Variants in RYR2 observed in about 807,000 individuals in gnomAD.
RYR2 encodes ryanodine receptor 2, also known as cardiac muscle ryanodine receptor-calcium release channel.
In RYR2, 227 loss-of-function variants were observed where a neutral mutation model predicts 601.1. The ratio of observed to expected loss-of-function variants is 0.38; its 90% CI spans 0.34 to 0.42. RYR2 has a LOEUF of 0.42. Ranked by LOEUF, RYR2 falls within the 10% of genes least tolerant of loss-of-function variation. RYR2 has a pLI of 1.00. For synonymous variants in RYR2, 2,223 were observed against 2,175.1 expected, an observed-to-expected ratio of 1.02 and a Z score of -0.61; for missense variants, 4,646 against 6,156.5, an observed-to-expected ratio of 0.75 and a Z score of 8.21.
intron 43 of RYR2, among the ~76,000 whole-genome samples, chr1:237,634,020 AAC>A (rs1330698968): frequency 6.6e-6 from 1 of 152,194 alleles, no homozygotes; most frequent in African/African-American, 2.4e-5. Flanking sequence ...TGGGAATGTA[AAC>A]ACAGCCATTT....
chr1:237,064,639 T>C lies in RYR2; in HGVS notation c.48+22070T>C, dbSNP rs540873302. On this transcript the variant is annotated intron_variant, in intron 1 of 104. Transcript: ENST00000366574. ...ATCCAGGCACATCATTGTCATCTCA[T>C]TGAGGCTTATTTGTCTCCATATTGC... Among the ~76,000 whole-genome samples, 34 of 152,250 alleles carry C rather than the reference T, an allele frequency of 2.2e-4. 2 individuals carry two copies. In the South Asian group the frequency reaches 5.8e-3, roughly 26 times the overall value.
chr1:237,719,410 G>T (rs1689523424), intron 73 of RYR2, among the ~76,000 whole-genome samples: 1 of 152,184 alleles, frequency 6.6e-6, no homozygotes, highest in African/African-American at 2.4e-5. Flanking sequence ...TTGATTCACG[G>T]TTCTGCAGGC....
intron 1 of RYR2, among the ~76,000 whole-genome samples, chr1:237,171,037 A>T (rs1008416698): frequency 6.6e-6 from 1 of 152,040 alleles, no homozygotes; most frequent in Non-Finnish European, 1.5e-5. Context: ...GATCGAGACC[A>T]TCCTGGCTAA....
chr1:237,430,192 CCATAACATATGTTATATG>C (rs1251304257), intron 12 of RYR2, among the ~76,000 whole-genome samples: 4 of 149,466 alleles, frequency 2.7e-5, no homozygotes, highest in Middle Eastern at 3.8e-3. Context: ...TATGTTATAT[CCATAACATATGTTATATG>C]CATAACAATA....
chr1:237,819,249 T>C lies in RYR2; in HGVS notation c.14590+57T>C. ...ATCTAGAATTTGAGCCACATGTTGC[T>C]GAAGTTAATATTCAAGGTAGGGTAA... On this transcript the variant is annotated intron_variant, in intron 101 of 104. Transcript: ENST00000366574. The surrounding 1 kb of genome is among the most constrained non-coding windows in gnomAD (Gnocchi z 4.0). 5 of 1,512,236 alleles carry C rather than the reference T, an allele frequency of 3.3e-6. No individual in the cohort carries two copies. Among genetic ancestry groups the C allele is most frequent in the Non-Finnish European group, 4.6e-6 (5 of 1,094,002 alleles). The allele number at this position is 1,512,236 out of a possible 1,614,324, so 93.7% of individuals were successfully genotyped here.
chr1:237,358,691 G>A (rs1699513478), intron 4 of RYR2, among the ~76,000 whole-genome samples: 1 of 151,796 alleles, frequency 6.6e-6, no homozygotes, highest in Non-Finnish European at 1.5e-5. Flanking sequence ...TTTGCTTGTT[G>A]GCAGTGTGGT....
chr1:237,081,684 C>T (rs1020443778), intron 1 of RYR2, among the ~76,000 whole-genome samples: 7 of 152,026 alleles, frequency 4.6e-5, no homozygotes, highest in African/African-American at 1.2e-4. Context: ...ACCCATCCAG[C>T]TGGAAAGATG....
rs767601681 is a variant in RYR2 at position 237,659,973 on chromosome 1, C to A, written c.8209-12C>A. ...CGTGTAAAACAATTTTTAATGTTTGCCTTTTTTTAAGTTGGCAAATGGATG... is the reference window on the plus strand; with the variant it reads ...CGTGTAAAACAATTTTTAATGTTTGACTTTTTTTAAGTTGGCAAATGGATG... On this transcript the variant is annotated splice_polypyrimidine_tract_variant and intron_variant, in intron 54 of 104. Coordinates refer to ENST00000366574, the MANE Select transcript of RYR2 (RefSeq NM_001035.3). The A allele has an allele frequency of 1.5e-5, 23 of 1,557,766 alleles. No homozygotes were observed. The highest frequency in any genetic ancestry group is 1.9e-5 in the Non-Finnish European group (22 of 1,151,480).
Position 237,614,051 on chromosome 1 carries a change from C to T in RYR2, c.4923C>T (p.Ile1641=), listed in dbSNP as rs1409843006. The change falls in exon 37 of 105, where the codon ATC becomes ATT. Residue 1641 remains isoleucine, a synonymous_variant. Transcript: ENST00000366574. This position sits in a 1 kb window ranked among gnomAD's most constrained non-coding sequence, Gnocchi z 4.3. ...HIPEENRSVD[I]LELTEQEELL... ...CTCCCTTCTACAGATCTGTTGACAT[C>T]TTAGAGTTGACAGAGCAGGAGGAAT... is the stretch of plus-strand genomic sequence containing the variant. The T allele has an allele frequency of 6.2e-7, 1 of 1,612,780 alleles. No individual in the cohort carries two copies. Among genetic ancestry groups the T allele is most frequent in the South Asian group, 1.1e-5 (1 of 91,010 alleles).
chr1:237,279,325 C>G (rs1172357268), intron 2 of RYR2, among the ~76,000 whole-genome samples: 3 of 152,112 alleles, frequency 2.0e-5, no homozygotes, highest in African/African-American at 4.8e-5. Context: ...TTATAAGACT[C>G]TCTATACTGC....
intron 1 of RYR2, among the ~76,000 whole-genome samples, chr1:237,233,495 T>G (rs895613141): frequency 4.6e-5 from 7 of 152,168 alleles, no homozygotes; most frequent in Non-Finnish European, 8.8e-5. Flanking sequence ...TTTATATTAG[T>G]TCTTGATGGA....
chr1:237,352,822 G>A, intron 3 of RYR2: 3 of 509,232 alleles, frequency 5.9e-6, no homozygotes, highest in Non-Finnish European at 7.8e-6. Context: ...TGCTAATGGG[G>A]AAAAGATTTA....
intron 77 of RYR2, among the ~76,000 whole-genome samples, chr1:237,731,461 T>C (rs1045279507): frequency 9.2e-5 from 14 of 152,202 alleles, no homozygotes; most frequent in Admixed American, 2.6e-4. Flanking sequence ...TATCATGCTG[T>C]GTGTAAGCGA....
chr1:237,687,363 CTTCTT>C, intron 62 of RYR2, 87 bp from the exon 63 acceptor site: 15 of 452,370 alleles, frequency 3.3e-5, no homozygotes, highest in South Asian at 8.8e-5. Context: ...CTTTTTTCTT[CTTCTT>C]TTTTTTTTTT....
intron 2 of RYR2, among the ~76,000 whole-genome samples, chr1:237,312,886 T>C (rs573456211): frequency 6.6e-6 from 1 of 152,224 alleles, no homozygotes; most frequent in Non-Finnish European, 1.5e-5. Context: ...TTTCCATTTG[T>C]GTCTATACAT....
rs912197043 is a variant in RYR2, at chr1:237,617,322, G to A, written c.5752G>A (p.Val1918Ile). 14 of 1,613,524 alleles carry A rather than the reference G, an allele frequency of 8.7e-6. No individual in the cohort carries two copies. The highest frequency in any genetic ancestry group is 8.3e-5 in the Admixed American group (5 of 59,924). The part of the protein sequence containing the change: ...LLLQYLCDCQ[V>I]RHRIEAIVAF... Reference sequence around the variant, plus strand: ...GCTTCAGTACCTCTGTGACTGCCAGGTCCGGCACCGGATAGAAGCCATTGT... The same window carrying A: ...GCTTCAGTACCTCTGTGACTGCCAGATCCGGCACCGGATAGAAGCCATTGT... The change falls in exon 38 of 105, where the codon GTC (valine) becomes ATC (isoleucine). Residue 1918 changes from valine to isoleucine, a missense_variant. Transcript: ENST00000366574.
At chr1:237,362,725 T>C (rs1558686569) in intron 4 of RYR2, among the ~76,000 whole-genome samples, 2 of 152,218 alleles carry the variant, frequency 1.3e-5, no homozygotes, top group Non-Finnish European at 2.9e-5. Context: ...GTACAGAAAG[T>C]TATTGTCAAT....
At chr1:237,197,132 G>A (rs1377612623) in intron 1 of RYR2, among the ~76,000 whole-genome samples, 3 of 152,122 alleles carry the variant, frequency 2.0e-5, no homozygotes, top group African/African-American at 7.2e-5. Context: ...CTACCTTGCT[G>A]AATTGTCATT....
intron 1 of RYR2, among the ~76,000 whole-genome samples, chr1:237,248,106 TACTAA>T (rs1687049103): frequency 6.6e-6 from 1 of 151,998 alleles, no homozygotes; most frequent in South Asian, 2.1e-4. Context: ...ACCCTGTCTC[TACTAA>T]AAATACAAAA....
Sources: gnomAD v4.1 joint callset for allele counts (sites outside exome capture counted in the v4.1 genomes callset) on GRCh38, gnomAD v4.1.1 for gene constraint, Gnocchi (gnomAD v3.1) non-coding constraint, MANE v1.5 for transcripts, NCBI Gene and HGNC (gene_info 2026-07-23, HGNC 2026-07-21) for gene names.